The following GABRB3 variants were observed in gnomAD, a reference collection of about 807,000 sequenced individuals.
GABRB3 encodes the protein gamma-aminobutyric acid receptor subunit beta-3.
Under a neutral mutation model 52.1 loss-of-function variants are expected in GABRB3, and 14 were observed. The observed-to-expected ratio is 0.27, with a 90% CI of 0.18 to 0.42. GABRB3 has a LOEUF of 0.42. Among genes scored for constraint, GABRB3 ranks in the 10% least tolerant of loss-of-function variants. The probability of loss-of-function intolerance (pLI) is 1.00; values close to 1 mark genes in which losing one functional copy is unlikely to be tolerated. For missense variants in GABRB3, 307 were observed against 609.1 expected, an observed-to-expected ratio of 0.50 and a Z score of 5.22; for synonymous variants, 260 against 232.3, an observed-to-expected ratio of 1.12 and a Z score of -1.08.
rs1482342239 is a variant in GABRB3, at chr15:26,689,164, G to T, written c.241-67630C>A. On this transcript the variant is annotated intron_variant, in intron 3 of 8. Transcript: ENST00000311550. ...CCAGGTCCCCCAGTGCCCCGCCTGG[G>T]ACAGTCTTGGTCTCCTGCACCTGGC... Among the ~76,000 whole-genome samples the T allele has an allele frequency of 2.6e-5, 4 of 152,146 alleles. No homozygotes were observed. In the East Asian group the frequency reaches 7.7e-4, roughly 29 times the overall value.
At chr15:26,658,726 G>A (rs1887450641) in intron 3 of GABRB3, 1 of 152,186 alleles carries the variant, frequency 6.6e-6, no homozygotes, top group Non-Finnish European at 1.5e-5. Context: ...GCATTTGCAG[G>A]CTTTGTGTAG....
intron 7 of GABRB3, among the ~76,000 whole-genome samples, chr15:26,564,325 A>C (rs1177205432): frequency 1.3e-5 from 2 of 152,162 alleles, no homozygotes; most frequent in Non-Finnish European, 2.9e-5. Flanking sequence ...TTCCCACTTT[A>C]AAGTTTGGTG....
chr15:26,677,040 A>G (rs961860976), intron 3 of GABRB3, among the ~76,000 whole-genome samples: 1 of 152,218 alleles, frequency 6.6e-6, no homozygotes, highest in African/African-American at 2.4e-5. Flanking sequence ...GAACTCTTCC[A>G]TGATTGAAAT....
intron 3 of GABRB3, among the ~76,000 whole-genome samples, chr15:26,727,008 T>C (rs1344803918): frequency 6.6e-6 from 1 of 151,990 alleles, no homozygotes; most frequent in East Asian, 1.9e-4. Flanking sequence ...AAAATACAAA[T>C]ATTAGCTGGG....
At chr15:26,584,504 C>G (rs1199266212) in intron 4 of GABRB3, among the ~76,000 whole-genome samples, 1 of 152,158 alleles carries the variant, frequency 6.6e-6, no homozygotes, top group East Asian at 1.9e-4. Flanking sequence ...GATCATCTAT[C>G]TTTTCAAAAC....
At chr15:26,692,604 C>T (rs1280926909) in intron 3 of GABRB3, among the ~76,000 whole-genome samples, 1 of 152,124 alleles carries the variant, frequency 6.6e-6, no homozygotes, top group Non-Finnish European at 1.5e-5. Context: ...AAGTTTTGCA[C>T]TCAAAGGCTT....
intron 3 of GABRB3, among the ~76,000 whole-genome samples, chr15:26,682,985 G>A (rs1595528137): frequency 6.6e-6 from 1 of 152,136 alleles, no homozygotes; most frequent in South Asian, 2.1e-4. Context: ...AGAGAGTGCT[G>A]CCCCCACCAC....
chr15:26,651,045 G>A (rs1015126909), intron 3 of GABRB3, among the ~76,000 whole-genome samples: 3 of 152,198 alleles, frequency 2.0e-5, no homozygotes, highest in African/African-American at 7.2e-5. Flanking sequence ...GGGACCCACT[G>A]AGTATGGGTA....
rs1891409923 is a variant in GABRB3, at chr15:26,596,778, CA to C, written c.462-13365del. ...ATATATCACAGATAAATGGGTGAGA[CA>C]ACCTTCATTAGTTCATTTTCTGTTG... is the stretch of plus-strand genomic sequence containing the variant. On this transcript the variant is annotated intron_variant, in intron 4 of 8. Transcript: ENST00000311550. Among the ~76,000 whole-genome samples, 3 of 152,268 alleles carry C rather than the reference CA, an allele frequency of 2.0e-5. No individual in the cohort carries two copies. The South Asian group carries it at 6.2e-4, about 32-fold the overall frequency.
chr15:26,668,921 C>T (rs886651303), intron 3 of GABRB3, among the ~76,000 whole-genome samples: 5 of 152,092 alleles, frequency 3.3e-5, no homozygotes, highest in African/African-American at 1.2e-4. Flanking sequence ...TGCAGGGTAC[C>T]CTTGGGTGAA....
chr15:26,748,342 G>A (rs913477815), intron 3 of GABRB3, among the ~76,000 whole-genome samples: 4 of 152,014 alleles, frequency 2.6e-5, no homozygotes, highest in Non-Finnish European at 5.9e-5. Flanking sequence ...AATTATCTGG[G>A]CCCAGAGATT....
chr15:26,715,157 G>C (rs1595547076), intron 3 of GABRB3, among the ~76,000 whole-genome samples: 1 of 152,334 alleles, frequency 6.6e-6, no homozygotes, highest in East Asian at 1.9e-4. Context: ...AGCAAGGAGA[G>C]AGTCTCTCTC....
intron 3 of GABRB3, among the ~76,000 whole-genome samples, chr15:26,755,106 C>T (rs1017216557): frequency 1.3e-5 from 2 of 150,116 alleles, no homozygotes; most frequent in South Asian, 2.1e-4. Flanking sequence ...TTGGTTCAAG[C>T]GATTCTCCTG....
chr15:26,601,929 A>T (rs1891604109), intron 4 of GABRB3, among the ~76,000 whole-genome samples: 1 of 152,190 alleles, frequency 6.6e-6, no homozygotes, highest in Admixed American at 6.5e-5. Flanking sequence ...CATTGAAGGT[A>T]AAGGGAATAA....
At chr15:26,661,014 G>C (rs1887525402) in intron 3 of GABRB3, among the ~76,000 whole-genome samples, 1 of 151,992 alleles carries the variant, frequency 6.6e-6, no homozygotes, top group African/African-American at 2.4e-5. Context: ...CTGAACTCCT[G>C]GACTCAAGTG....
At chr15:26,619,268 C>T (rs1595487875) in intron 4 of GABRB3, among the ~76,000 whole-genome samples, 1 of 151,614 alleles carries the variant, frequency 6.6e-6, no homozygotes, top group East Asian at 1.9e-4. Context: ...GGAACCAACC[C>T]AAATGTCCAA....
At chr15:26,728,098 C>A (rs1217553556) in intron 3 of GABRB3, among the ~76,000 whole-genome samples, 3 of 152,142 alleles carry the variant, frequency 2.0e-5, no homozygotes, top group African/African-American at 7.2e-5. Flanking sequence ...AGATACACTG[C>A]ATCTAAAGGT....
intron 8 of GABRB3, among the ~76,000 whole-genome samples, chr15:26,550,988 G>T (rs1363426429): frequency 1.3e-5 from 2 of 152,182 alleles, no homozygotes; most frequent in Non-Finnish European, 2.9e-5. Context: ...AACATCAAAA[G>T]CAAAGGCTTG....
chr15:26,566,621 G>C (rs1890186242), intron 7 of GABRB3, among the ~76,000 whole-genome samples: 1 of 152,072 alleles, frequency 6.6e-6, no homozygotes, highest in Admixed American at 6.5e-5. Flanking sequence ...CACTGTCCAG[G>C]AGGTAGAGTT....
Sources: gnomAD v4.1 joint callset for allele counts (sites outside exome capture counted in the v4.1 genomes callset) on GRCh38, gnomAD v4.1.1 for gene constraint, MANE v1.5 for transcripts, NCBI Gene and HGNC (gene_info 2026-07-23, HGNC 2026-07-21) for gene names.